The following PLEKHA4 variants were observed in gnomAD, a reference collection of about 807,000 sequenced individuals.
PLEKHA4 encodes the protein pleckstrin homology domain containing A4, also known as pleckstrin homology domain-containing family A member 4.
In PLEKHA4, 73 loss-of-function variants were observed where a neutral mutation model predicts 94.7. The ratio of observed to expected loss-of-function variants is 0.77; its 90% CI spans 0.64 to 0.94. The LOEUF (loss-of-function observed/expected upper bound fraction) is 0.94. Among genes scored for constraint, PLEKHA4 ranks in the 40% least tolerant of loss-of-function variants. The pLI is 0.00. For missense variants in PLEKHA4, 1,049 were observed against 1,054.1 expected (o/e 1.00, Z 0.07); for synonymous variants, 449 against 437.1 (o/e 1.03, Z -0.34).
At chr19:48,852,764 C>G (rs927822573) in intron 12 of PLEKHA4, among the ~76,000 whole-genome samples, 1 of 152,020 alleles carries the variant, frequency 6.6e-6, no homozygotes, top group African/African-American at 2.4e-5. Context: ...GAAACCCCGT[C>G]CCTACTAAAA....
At chr19:48,857,172 C>T (rs62127975) in intron 9 of PLEKHA4, among the ~76,000 whole-genome samples, 26,199 of 151,972 alleles carry the variant, frequency 0.17, 3,070 homozygotes, top group African/African-American at 0.34. Flanking sequence ...TCCTTAGAAC[C>T]TTCAGTGGAA....
chr19:48,856,870 G>C (rs1249077259), intron 9 of PLEKHA4, among the ~76,000 whole-genome samples: 1 of 136,486 alleles, frequency 7.3e-6, no homozygotes, highest in African/African-American at 2.9e-5. Context: ...CTGCACTCCA[G>C]CCTGGGCGAC....
At chr19:48,865,476 T>C (rs761636321) in intron 3 of PLEKHA4, 27 bp downstream of exon 3, 9 of 1,568,016 alleles carry the variant, frequency 5.7e-6, no homozygotes, top group Admixed American at 3.3e-5. Flanking sequence ...GACTTCAGTG[T>C]CCTTTTCCTT....
rs375729092 is a variant in PLEKHA4 at position 48,854,025 on chromosome 19, G to C, written c.1158C>G (p.Asp386Glu). The stretch of plus-strand genomic sequence containing the variant: ...CCCGCACCTTCTCCTCCTGCTTCTG[G>C]TCTATCTCCTCCTGCAGCCTCCGCA... ...RLLRRLQEEI[D>E]QKQEEKEQLE... is the part of the protein sequence containing the mutation. Residue 386 changes from aspartate to glutamate, a missense_variant, in exon 11 of 20, where the codon GAC (aspartate) becomes GAG (glutamate). Physicochemically the swap from Asp to Glu is conservative, Grantham distance 45. Transcript: ENST00000263265. 1 of 1,613,966 alleles carries C rather than the reference G, an allele frequency of 6.2e-7. No homozygotes were observed. The highest frequency in any genetic ancestry group is 1.3e-5 in the African/African-American group (1 of 74,916).
chr19:48,838,460 TAA>T lies in PLEKHA4; in HGVS notation c.1965-333_1965-332del, dbSNP rs34936332. ...GTATGTACCAACAAAAATTAAAAAT[TAA>T]AAAAAAAAAAAAAAAAGCAGGCCAG... On this transcript the variant is annotated intron_variant, in intron 18 of 19. Coordinates refer to ENST00000263265, the MANE Select transcript of PLEKHA4 (RefSeq NM_020904.3). 752 of 123,012 alleles carry T rather than the reference TAA, an allele frequency of 6.1e-3. 3 individuals carry two copies. Among genetic ancestry groups the T allele is most frequent in the Non-Finnish European group, 8.7e-3 (506 of 58,254 alleles). The allele number at this position is 123,012 out of a possible 1,614,324, so 7.6% of individuals were successfully genotyped here.
At chr19:48,844,725 A>G (rs1248022001) in intron 16 of PLEKHA4, 4 of 821,754 alleles carry the variant, frequency 4.9e-6, no homozygotes, top group South Asian at 1.1e-4. Context: ...CAATTCCTAA[A>G]CATTCCTGCC....
intron 14 of PLEKHA4, among the ~76,000 whole-genome samples, chr19:48,847,394 C>T (rs990256686): frequency 6.6e-6 from 1 of 152,100 alleles, no homozygotes; most frequent in African/African-American, 2.4e-5. Context: ...CATGATCACA[C>T]CACTGCAGTC....
chr19:48,844,076 C>T (rs2035865885), intron 16 of PLEKHA4, among the ~76,000 whole-genome samples: 1 of 151,592 alleles, frequency 6.6e-6, no homozygotes, highest in Non-Finnish European at 1.5e-5. Context: ...GTTGGGATTA[C>T]AGGCATGAGC....
rs56663437 is a variant in PLEKHA4 at position 48,858,627 on chromosome 19, C to CAAAAAAAAAAAAAAAAAA, written c.972+232_972+233insTTTTTTTTTTTTTTTTTT. Among the ~76,000 whole-genome samples the CAAAAAAAAAAAAAAAAAA allele has an allele frequency of 3.0e-3, 191 of 63,416 alleles. 46 individuals carry two copies. Among genetic ancestry groups the CAAAAAAAAAAAAAAAAAA allele is most frequent in the African/African-American group, 0.019 (171 of 9,222 alleles). The allele number at this position is 63,416 out of a possible 152,430, so 41.6% of individuals were successfully genotyped here. On this transcript the variant is annotated intron_variant, in intron 8 of 19. Coordinates refer to ENST00000263265, the MANE Select transcript of PLEKHA4 (RefSeq NM_020904.3). ...TGGCGACAGAGCAAGACCTCAGTCT[C>CAAAAAAAAAAAAAAAAAA]AAAAAAAAAAAAAAAAAGCAATGGC...
At chr19:48,846,443 C>T (rs2035975236) in intron 14 of PLEKHA4, among the ~76,000 whole-genome samples, 1 of 151,946 alleles carries the variant, frequency 6.6e-6, no homozygotes, top group Non-Finnish European at 1.5e-5. Flanking sequence ...CAGAGAGAGA[C>T]TCCATCTCAA....
intron 9 of PLEKHA4, 75 bp downstream of exon 9, chr19:48,857,347 A>G (rs1353379559): frequency 4.4e-5 from 30 of 677,398 alleles, no homozygotes; most frequent in Middle Eastern, 2.6e-4. Context: ...CCCTAGGCCA[A>G]GAGATGACAT....
chr19:48,854,364 C>CTATTTATT (rs377323563), intron 9 of PLEKHA4, 100 bp from the exon 10 acceptor site: 5 of 1,004,598 alleles, frequency 5.0e-6, no homozygotes, highest in Non-Finnish European at 7.7e-6. Context: ...AGGTACTGCA[C>CTATTTATT]TATTTATTTA....
intron 2 of PLEKHA4, among the ~76,000 whole-genome samples, chr19:48,866,115 T>A (rs2036826989): frequency 1.3e-5 from 2 of 151,704 alleles, no homozygotes; most frequent in Admixed American, 1.3e-4. Context: ...AGAGACTCTT[T>A]TTTTTTTGAC....
chr19:48,862,036 AG>A (rs1326872906), intron 3 of PLEKHA4, among the ~76,000 whole-genome samples: 4 of 151,016 alleles, frequency 2.6e-5, no homozygotes, highest in African/African-American at 9.7e-5. Flanking sequence ...CTGAGGAGGG[AG>A]GATCACTTGA....
chr19:48,855,673 C>T (rs955325751), intron 9 of PLEKHA4, among the ~76,000 whole-genome samples: 4 of 151,838 alleles, frequency 2.6e-5, no homozygotes, highest in African/African-American at 9.7e-5. Context: ...CCTGTAGTCT[C>T]AGCTACTAGG....
chr19:48,841,424 G>C, intron 16 of PLEKHA4, 114 bp from the exon 17 acceptor site: 1 of 1,173,094 alleles, frequency 8.5e-7, no homozygotes, highest in Non-Finnish European at 1.1e-6. Flanking sequence ...GTCAGGAGTT[G>C]AAGACCAGCC....
rs749295291 is a variant in PLEKHA4 at position 48,845,422 on chromosome 19, C to T, written c.1691G>A (p.Arg564Gln). Residue 564 changes from arginine to glutamine, a missense_variant, in exon 16 of 20, where the codon CGG becomes CAG. Transcript: ENST00000263265. The part of the protein sequence containing the change: ...HLGLGSPRVS[R>Q]ASSPEGRHLP... ...GTGGCGACCCTCAGGGCTGGAAGCCCGGGAGACCCTCGGAGACCCAAGACC... is the reference window on the plus strand; with the variant it reads ...GTGGCGACCCTCAGGGCTGGAAGCCTGGGAGACCCTCGGAGACCCAAGACC... 4.3e-6 allele frequency: 7 copies of T among 1,613,660 alleles called. No homozygotes were observed. The highest frequency in any genetic ancestry group is 1.7e-5 in the Admixed American group (1 of 59,984).
At position 48,854,036 on chromosome 19, in the gene PLEKHA4, C is replaced by A. The variant is rs751365575; in HGVS notation, c.1147G>T (p.Glu383Ter). 74 of 1,614,026 alleles carry A rather than the reference C, an allele frequency of 4.6e-5. 2 individuals carry two copies. The South Asian group carries it at 7.0e-4, about 15-fold the overall frequency. Residue 383 changes from glutamate to a stop codon, truncating the protein, a stop_gained, in exon 11 of 20, where the codon GAG (glutamate) becomes TAG (stop). Transcript: ENST00000263265. LOFTEE classifies it high-confidence loss of function. Reference protein sequence around the residue: ...GQDRLLRRLQEEIDQKQEEKE... With the variant: ...GQDRLLRRLQ ...TCCTCCTGCTTCTGGTCTATCTCCT[C>A]CTGCAGCCTCCGCAGAAGCCGGTCC...
chr19:48,857,446 C>A lies in PLEKHA4; in HGVS notation c.1023G>T (p.Gly341=). 1 of 1,558,694 alleles carries A rather than the reference C, an allele frequency of 6.4e-7. No homozygotes were observed. The highest frequency in any genetic ancestry group is 2.1e-5 in the Admixed American group (1 of 47,702). ...TYLQLPPRPP[G]TRASMVLLPG... ...CCAATAAAACCATGGAGGCCCGGGT[C>A]CCAGGGGGCCGCGGGGGGAGCTGGA... The change falls in exon 9 of 20, where the codon GGG becomes GGT. Residue 341 remains glycine, a synonymous_variant. Transcript: ENST00000263265.
Sources: allele counts gnomAD v4.1 joint callset (sites outside exome capture counted in the v4.1 genomes callset), GRCh38; gene constraint gnomAD v4.1.1; transcripts MANE v1.5; gene names NCBI Gene and HGNC (gene_info 2026-07-23, HGNC 2026-07-21).